ARHGAP10: variants seen among roughly 807,000 people sequenced by gnomAD.
ARHGAP10 encodes the protein rho GTPase-activating protein 10.
A neutral mutation model predicts 108.6 loss-of-function variants in ARHGAP10; 87 were observed. The observed-to-expected ratio is 0.80, with a 90% CI of 0.67 to 0.96. ARHGAP10 has a LOEUF of 0.96. Among genes scored for constraint, ARHGAP10 ranks in the 40% least tolerant of loss-of-function variants. ARHGAP10 has a pLI of 0.00. For missense variants in ARHGAP10, 939 were observed against 954.5 expected (o/e 0.98, Z 0.21); for synonymous variants, 347 against 341.1 (o/e 1.02, Z -0.19).
chr4:147,819,621 C>T (rs938801097), intron 1 of ARHGAP10, among the ~76,000 whole-genome samples: 8 of 152,066 alleles, frequency 5.3e-5, no homozygotes, highest in Non-Finnish European at 1.5e-5. Flanking sequence ...TGTCTCAGCT[C>T]ACTGCATGCT....
intron 20 of ARHGAP10, among the ~76,000 whole-genome samples, chr4:148,048,978 G>A (rs1472180241): frequency 6.6e-6 from 1 of 150,598 alleles, no homozygotes; most frequent in African/African-American, 2.4e-5. Flanking sequence ...TTTTTTTAAT[G>A]GAGACTTTCT....
At chr4:148,034,086 T>C (rs577005756) in intron 19 of ARHGAP10, among the ~76,000 whole-genome samples, 1 of 152,292 alleles carries the variant, frequency 6.6e-6, no homozygotes, top group Non-Finnish European at 1.5e-5. Flanking sequence ...TTTGACATGG[T>C]TTTTGCCTGG....
At chr4:147,863,589 G>T (rs2126842579) in intron 5 of ARHGAP10, 1 of 152,234 alleles carries the variant, frequency 6.6e-6, no homozygotes, top group African/African-American at 2.4e-5. Flanking sequence ...CAGTTCTTTT[G>T]GGTATATGCC....
intron 18 of ARHGAP10, among the ~76,000 whole-genome samples, chr4:147,996,356 C>G (rs370346836): frequency 6.1e-4 from 93 of 152,118 alleles, no homozygotes; most frequent in East Asian, 2.1e-3. Context: ...AAAGATGAAC[C>G]CTGAGATAGA....
intron 18 of ARHGAP10, among the ~76,000 whole-genome samples, chr4:147,970,917 A>T: frequency 6.6e-6 from 1 of 151,840 alleles, no homozygotes; most frequent in Non-Finnish European, 1.5e-5. Context: ...GCAAAACCCC[A>T]TCTCTACTTA....
chr4:147,947,227 C>CTTTTT (rs34782915), intron 15 of ARHGAP10, among the ~76,000 whole-genome samples: 2 of 101,606 alleles, frequency 2.0e-5, no homozygotes, highest in Non-Finnish European at 4.4e-5. Context: ...GAGTCACTGT[C>CTTTTT]TTTTTTTTTT....
chr4:147,873,551 G>A (rs780181760), intron 7 of ARHGAP10, among the ~76,000 whole-genome samples: 27 of 151,878 alleles, frequency 1.8e-4, no homozygotes, highest in Middle Eastern at 3.4e-3. Context: ...AAGGGTGGGG[G>A]ATGGTGGCTC....
intron 3 of ARHGAP10, among the ~76,000 whole-genome samples, chr4:147,832,429 T>C (rs1732988975): frequency 6.6e-6 from 1 of 151,440 alleles, no homozygotes; most frequent in South Asian, 2.1e-4. Context: ...TGGGTGGATC[T>C]TGAGGTCAGG....
chr4:147,935,597 G>A (rs1737894909), intron 13 of ARHGAP10, among the ~76,000 whole-genome samples: 1 of 152,140 alleles, frequency 6.6e-6, no homozygotes, highest in Admixed American at 6.5e-5. Flanking sequence ...AAAAGAAGCT[G>A]GAAAAGGACA....
At chr4:147,996,518 G>T (rs1472238027) in intron 18 of ARHGAP10, among the ~76,000 whole-genome samples, 1 of 152,142 alleles carries the variant, frequency 6.6e-6, no homozygotes, top group Non-Finnish European at 1.5e-5. Context: ...CTCCCTGGGG[G>T]ACTGAAGGAC....
intron 18 of ARHGAP10, among the ~76,000 whole-genome samples, chr4:148,003,899 C>CCTAAGG (rs1467543169): frequency 6.6e-6 from 1 of 152,120 alleles, no homozygotes; most frequent in African/African-American, 2.4e-5. Flanking sequence ...TGAGTGTAAG[C>CCTAAGG]CTAAATCAGC....
intron 1 of ARHGAP10, among the ~76,000 whole-genome samples, chr4:147,806,247 C>T (rs181297446): frequency 3.4e-4 from 52 of 152,144 alleles, no homozygotes; most frequent in Non-Finnish European, 6.3e-4. Context: ...TTGTCTAAAT[C>T]GGCTCTCCAG....
At chr4:147,998,551 T>G (rs1740567254) in intron 18 of ARHGAP10, among the ~76,000 whole-genome samples, 1 of 152,252 alleles carries the variant, frequency 6.6e-6, no homozygotes, top group Admixed American at 6.5e-5. Flanking sequence ...TCAGTTTTAC[T>G]TACCAATATT....
intron 5 of ARHGAP10, among the ~76,000 whole-genome samples, chr4:147,860,390 C>T (rs1054793918): frequency 2.0e-5 from 3 of 152,118 alleles, no homozygotes; most frequent in South Asian, 2.1e-4. Flanking sequence ...TGCAGTGAGC[C>T]GAGATGGGGC....
chr4:147,788,138 T>TG (rs35906887), intron 1 of ARHGAP10, among the ~76,000 whole-genome samples: 144,118 of 151,922 alleles, frequency 0.95, 68,525 homozygotes, highest in East Asian at 0.98. Flanking sequence ...AAATTTGATT[T>TG]TTTTTTTTTA....
At chr4:147,969,271 T>G (rs1560851399) in intron 18 of ARHGAP10, among the ~76,000 whole-genome samples, 1 of 152,086 alleles carries the variant, frequency 6.6e-6, no homozygotes, top group African/African-American at 2.4e-5. Flanking sequence ...GGGATTTTCT[T>G]TACCATTATG....
Position 147,970,006 on chromosome 4 carries a change from G to T in ARHGAP10, c.1716+3167G>T, listed in dbSNP as rs188569934. Among the ~76,000 whole-genome samples the T allele has an allele frequency of 2.6e-5, 4 of 152,256 alleles. 1 individual carries two copies. The East Asian group carries it at 7.7e-4, about 29-fold the overall frequency. Reference sequence around the variant, plus strand: ...TGGCAGGGTTGGAGGGTTGGAGATGGGGGATGTCAGTTTGGATTAGTTAAC... The same window carrying T: ...TGGCAGGGTTGGAGGGTTGGAGATGTGGGATGTCAGTTTGGATTAGTTAAC... On this transcript the variant is annotated intron_variant, in intron 18 of 22. Coordinates refer to ENST00000336498, the MANE Select transcript of ARHGAP10 (RefSeq NM_024605.4).
intron 13 of ARHGAP10, among the ~76,000 whole-genome samples, chr4:147,926,142 G>C (rs1010377162): frequency 2.0e-5 from 3 of 152,158 alleles, no homozygotes; most frequent in African/African-American, 7.2e-5. Flanking sequence ...CAGATCCCAG[G>C]TGCTGTGCTG....
At chr4:147,742,049 A>G (rs1217001666) in intron 1 of ARHGAP10, among the ~76,000 whole-genome samples, 3 of 149,910 alleles carry the variant, frequency 2.0e-5, no homozygotes, top group African/African-American at 4.9e-5. Flanking sequence ...GGCATCTTCT[A>G]CCCTCACTCT....
Sources: allele counts gnomAD v4.1 joint callset (sites outside exome capture counted in the v4.1 genomes callset), GRCh38; gene constraint gnomAD v4.1.1; transcripts MANE v1.5; gene names NCBI Gene and HGNC (gene_info 2026-07-23, HGNC 2026-07-21).